PLXNA2: variants seen among roughly 807,000 people sequenced by gnomAD.
PLXNA2 encodes the protein plexin-A2.
PLXNA2 carries 91 observed loss-of-function variants against 193.5 expected under a neutral mutation model. The ratio of observed to expected loss-of-function variants is 0.47; its 90% CI spans 0.40 to 0.56. The LOEUF is 0.56. Among genes scored for constraint, PLXNA2 ranks in the 20% least tolerant of loss-of-function variants. PLXNA2 has a pLI of 0.00. For missense variants in PLXNA2, 1,995 were observed against 2,503.2 expected (o/e 0.80, Z 4.33); for synonymous variants, 997 against 1,027.3 (o/e 0.97, Z 0.56).
At chr1:208,096,512 C>T (rs558790138) in intron 7 of PLXNA2, among the ~76,000 whole-genome samples, 11 of 152,210 alleles carry the variant, frequency 7.2e-5, no homozygotes, top group Non-Finnish European at 1.2e-4. Context: ...TCTGGAAAGA[C>T]GCTGTGTTCT....
intron 3 of PLXNA2, among the ~76,000 whole-genome samples, chr1:208,173,406 T>C (rs1367377591): frequency 6.6e-6 from 1 of 152,238 alleles, no homozygotes; most frequent in Non-Finnish European, 1.5e-5. Flanking sequence ...GCTTACTATA[T>C]ATGAATATAT....
chr1:208,035,672 C>A (rs1211395360), intron 26 of PLXNA2, among the ~76,000 whole-genome samples: 2 of 152,160 alleles, frequency 1.3e-5, no homozygotes, highest in Non-Finnish European at 2.9e-5. Flanking sequence ...ATGTTATGGG[C>A]CATAAAACAT....
Position 208,051,279 on chromosome 1 carries a change from G to T in PLXNA2, c.3138C>A (p.Ile1046=). ...ACCTGGCAATGCTCCACTCTGGCTC[G>T]ATGCGCTGGACCCGAGGGTCATCTA... The part of the protein sequence containing the change: ...EYIDDPRVQR[I]EPEWSIASGH... The change falls in exon 16 of 32, where the codon ATC becomes ATA. Residue 1046 remains isoleucine (I), a synonymous_variant. Transcript: ENST00000367033. 6.2e-7 allele frequency: 1 copy of T among 1,611,250 alleles called. No homozygotes were observed.
At position 208,028,001 on chromosome 1, in the gene PLXNA2, T is replaced by C; in HGVS notation, c.5589+8A>G. On this transcript the variant is annotated splice_region_variant and intron_variant, in intron 31 of 31. Coordinates refer to ENST00000367033, the MANE Select transcript of PLXNA2 (RefSeq NM_025179.4). This position sits in a 1 kb window ranked among gnomAD's most constrained non-coding sequence, Gnocchi z 4.2. ...TTGGTTTCTGTCCCTGCTGGGGCCC[T>C]GTCTCACCTCCTCACTATACTTGCT... 1 of 1,563,520 alleles carries C rather than the reference T, an allele frequency of 6.4e-7. No individual in the cohort carries two copies. Among genetic ancestry groups the C allele is most frequent in the Middle Eastern group, 1.7e-4 (1 of 5,916 alleles).
chr1:208,103,954 G>T (rs1285351799), intron 4 of PLXNA2, among the ~76,000 whole-genome samples: 1 of 152,150 alleles, frequency 6.6e-6, no homozygotes, highest in Non-Finnish European at 1.5e-5. Context: ...CTGGGGCCCT[G>T]CAGGGGCTTG....
At chr1:208,182,348 G>A (rs1208216304) in intron 3 of PLXNA2, among the ~76,000 whole-genome samples, 2 of 152,170 alleles carry the variant, frequency 1.3e-5, no homozygotes, top group African/African-American at 4.8e-5. Flanking sequence ...CAGGAGAATT[G>A]CTTGCACCAG....
chr1:208,203,927 G>A (rs1670634505), intron 3 of PLXNA2, among the ~76,000 whole-genome samples: 1 of 152,198 alleles, frequency 6.6e-6, no homozygotes, highest in Non-Finnish European at 1.5e-5. Flanking sequence ...TGCTCCTGAT[G>A]GATTCTTTCC....
At chr1:208,225,116 C>G (rs548432587) in intron 1 of PLXNA2, among the ~76,000 whole-genome samples, 14 of 152,260 alleles carry the variant, frequency 9.2e-5, no homozygotes, top group Admixed American at 9.2e-4. Context: ...GTGAGGGACC[C>G]TCCATCTCTG....
intron 3 of PLXNA2, among the ~76,000 whole-genome samples, chr1:208,176,801 T>G (rs1223340177): frequency 3.3e-5 from 5 of 152,246 alleles, no homozygotes; most frequent in Non-Finnish European, 7.3e-5. Flanking sequence ...GTCCAAACTC[T>G]TGAGCACTGA....
At chr1:208,061,352 G>A (rs896427438) in intron 12 of PLXNA2, among the ~76,000 whole-genome samples, 3 of 152,154 alleles carry the variant, frequency 2.0e-5, no homozygotes, top group African/African-American at 7.2e-5. Flanking sequence ...AGCCTGTTGG[G>A]GGTACAATGA....
chr1:208,226,597 T>C (rs57602081), intron 1 of PLXNA2, among the ~76,000 whole-genome samples: 5,942 of 152,228 alleles, frequency 0.039, 373 homozygotes, highest in African/African-American at 0.14. Flanking sequence ...TTCATTACCC[T>C]GGGGCCGGGA....
intron 3 of PLXNA2, among the ~76,000 whole-genome samples, chr1:208,199,728 T>C (rs6671087): frequency 0.015 from 2,270 of 151,668 alleles, 65 homozygotes; most frequent in African/African-American, 0.05. Flanking sequence ...TAAAATGATA[T>C]AGGGAAGGGC....
intron 4 of PLXNA2, among the ~76,000 whole-genome samples, chr1:208,108,953 G>C (rs1257354874): frequency 6.6e-6 from 1 of 152,204 alleles, no homozygotes; most frequent in Non-Finnish European, 1.5e-5. Flanking sequence ...AGGAACAAGG[G>C]AAAATTGTTC....
chr1:208,241,622 C>T (rs780401675), intron 1 of PLXNA2, among the ~76,000 whole-genome samples: 1 of 152,204 alleles, frequency 6.6e-6, no homozygotes, highest in African/African-American at 2.4e-5. Context: ...CAGCATCTTC[C>T]CTGCACATCG....
intron 1 of PLXNA2, among the ~76,000 whole-genome samples, chr1:208,242,259 C>G (rs1672081160): frequency 6.6e-6 from 1 of 152,106 alleles, no homozygotes; most frequent in African/African-American, 2.4e-5. Context: ...AGAAGCCCAG[C>G]AAAGGAGGGA....
chr1:208,040,175 G>T (rs1664821520), intron 22 of PLXNA2, 117 bp from the exon 23 acceptor site: 2 of 794,398 alleles, frequency 2.5e-6, no homozygotes, highest in Admixed American at 4.2e-5. Context: ...ACGCAGGGCG[G>T]GAGTCAGGAC....
intron 3 of PLXNA2, among the ~76,000 whole-genome samples, chr1:208,206,128 TTA>T (rs1670712464): frequency 6.6e-6 from 1 of 152,184 alleles, no homozygotes; most frequent in Admixed American, 6.5e-5. Context: ...GCTCAGTAAA[TTA>T]TGTTATGTAA....
intron 4 of PLXNA2, among the ~76,000 whole-genome samples, chr1:208,127,820 G>T (rs7528183): frequency 6.6e-6 from 1 of 151,718 alleles, no homozygotes; most frequent in Admixed American, 6.6e-5. Flanking sequence ...GGGGTGAGAA[G>T]AAGAGGCCTG....
intron 3 of PLXNA2, among the ~76,000 whole-genome samples, chr1:208,197,388 C>T (rs774978867): frequency 2.6e-5 from 4 of 152,194 alleles, no homozygotes; most frequent in Admixed American, 6.5e-5. Context: ...TGACAGTCAC[C>T]GAAGCTGAAC....
Sources: allele counts gnomAD v4.1 joint callset (sites outside exome capture counted in the v4.1 genomes callset), GRCh38; gene constraint gnomAD v4.1.1; non-coding constraint Gnocchi (gnomAD v3.1); transcripts MANE v1.5; gene names NCBI Gene and HGNC (gene_info 2026-07-23, HGNC 2026-07-21).